The following ANKHD1 variants were observed in gnomAD, a reference collection of about 807,000 sequenced individuals.
ANKHD1 encodes ankyrin repeat and KH domain-containing protein 1.
A neutral mutation model predicts 230.5 loss-of-function variants in ANKHD1; 31 were observed. The ratio of observed to expected loss-of-function variants is 0.13; its 90% confidence interval spans 0.10 to 0.18. The LOEUF (loss-of-function observed/expected upper bound fraction) is 0.18. Among genes scored for constraint, ANKHD1 ranks in the 10% least tolerant of loss-of-function variants. The pLI, the probability that ANKHD1 is intolerant of heterozygous loss-of-function variation, is 1.00. For synonymous variants in ANKHD1, 1,074 were observed against 1,117.6 expected, an observed-to-expected ratio of 0.96 and a Z score of 0.78; for missense variants, 2,256 against 3,071.3, an observed-to-expected ratio of 0.73 and a Z score of 6.27.
chr5:140,468,379 G>A (rs1198533233), intron 10 of ANKHD1, among the ~76,000 whole-genome samples: 1 of 152,014 alleles, frequency 6.6e-6, no homozygotes, highest in African/African-American at 2.4e-5. Context: ...GTATTCTGCT[G>A]ACTGAGTGAA....
At chr5:140,450,497 A>G (rs1290192355) in intron 7 of ANKHD1, among the ~76,000 whole-genome samples, 1 of 151,430 alleles carries the variant, frequency 6.6e-6, no homozygotes, top group East Asian at 1.9e-4. Context: ...ATATCATATG[A>G]TTCTATGGGT....
chr5:140,499,509 T>G (rs1752182509), intron 15 of ANKHD1, among the ~76,000 whole-genome samples: 1 of 152,166 alleles, frequency 6.6e-6, no homozygotes, highest in African/African-American at 2.4e-5. Flanking sequence ...AACAGTACAT[T>G]TTACTTTTTA....
At chr5:140,479,594 A>C (rs1751154949) in intron 10 of ANKHD1, among the ~76,000 whole-genome samples, 1 of 151,654 alleles carries the variant, frequency 6.6e-6, no homozygotes, top group Non-Finnish European at 1.5e-5. Context: ...CATTATACAT[A>C]TATATTCCCA....
Position 140,485,488 on chromosome 5 carries a change from ATCTT to A in ANKHD1, c.1999-100_1999-97del. 1 of 1,482,142 alleles carries A rather than the reference ATCTT, an allele frequency of 6.7e-7. No homozygotes were observed. The highest frequency in any genetic ancestry group is 9.0e-7 in the Non-Finnish European group (1 of 1,107,340). The allele number at this position is 1,482,142 out of a possible 1,614,324, so 91.8% of individuals were successfully genotyped here. ...ATAGTTATAAAAATATGTTTGATCT[ATCTT>A]AGTGCTTAGTATTTAATACTGTTTA... On this transcript the variant is annotated intron_variant, in intron 12 of 33. Transcript: ENST00000360839. This position sits in a 1 kb window ranked among gnomAD's most constrained non-coding sequence, Gnocchi z 4.8.
intron 2 of ANKHD1, among the ~76,000 whole-genome samples, chr5:140,437,003 CA>C (rs1773498407): frequency 6.6e-6 from 1 of 152,090 alleles, no homozygotes; most frequent in Non-Finnish European, 1.5e-5. Flanking sequence ...AAGTAGATAA[CA>C]AAACCTTCCC....
At position 140,529,772 on chromosome 5, in the gene ANKHD1, C is replaced by G; in HGVS notation, c.6826C>G (p.Gln2276Glu). Residue 2276 changes from glutamine (Q) to glutamate (E), a missense_variant, in exon 29 of 34, where the codon CAG becomes GAG. By Grantham distance (29) the Gln-to-Glu change is conservative. This residue lies in a region of ANKHD1 where 778 missense variants were observed against 966.5 expected (regional missense o/e 0.80). Coordinates refer to ENST00000360839, the MANE Select transcript of ANKHD1 (RefSeq NM_017747.3). ...SKAPGFRPPSQRVSTSPVGLP... is the reference protein window; with the variant it reads ...SKAPGFRPPSERVSTSPVGLP... ...GGCACCTGGCTTCAGACCACCTTCC[C>G]AGCGAGTTTCTACTAGTCCAGTTGG... 6.2e-7 allele frequency: 1 copy of G among 1,614,062 alleles called. No homozygotes were observed. The highest frequency in any genetic ancestry group is 8.5e-7 in the Non-Finnish European group (1 of 1,180,026).
At chr5:140,457,489 T>C (rs978496718) in intron 7 of ANKHD1, among the ~76,000 whole-genome samples, 11 of 151,984 alleles carry the variant, frequency 7.2e-5, no homozygotes, top group African/African-American at 2.2e-4. Flanking sequence ...ATTAAGAAAA[T>C]GTGGCACATA....
At chr5:140,464,823 C>A in intron 10 of ANKHD1, 47 bp downstream of exon 10, 1 of 1,509,898 alleles carries the variant, frequency 6.6e-7, no homozygotes, top group South Asian at 1.2e-5. Flanking sequence ...TGTTAATATC[C>A]ATTTATACTT....
chr5:140,419,794 CTTTCTT>C (rs1561690828), intron 1 of ANKHD1, among the ~76,000 whole-genome samples: 3,426 of 137,002 alleles, frequency 0.025, 71 homozygotes, highest in South Asian at 0.043. Flanking sequence ...TTCTTTCTTT[CTTTCTT>C]TCTTTCTTTC....
intron 1 of ANKHD1, among the ~76,000 whole-genome samples, chr5:140,429,198 A>G (rs1772820154): frequency 6.6e-6 from 1 of 150,950 alleles, no homozygotes; most frequent in African/African-American, 2.4e-5. Context: ...GGTTCAAGCA[A>G]TTCTCCTGCC....
Position 140,491,092 on chromosome 5 carries a change from G to GTA in ANKHD1, c.2245+4047_2245+4048dup, listed in dbSNP as rs377535904. Among the ~76,000 whole-genome samples, 177 of 102,400 alleles carry GTA rather than the reference G, an allele frequency of 1.7e-3. 1 individual carries two copies. The highest frequency in any genetic ancestry group is 2.9e-3 in the African/African-American group (71 of 24,812). The allele number at this position is 102,400 out of a possible 152,430, so 67.2% of individuals were successfully genotyped here. Reference sequence around the variant, plus strand: ...TATGTATGTATATATGTGTGTGTGTGTATATATATATATATACACACACAC... The same window carrying GTA: ...TATGTATGTATATATGTGTGTGTGTGTATATATATATATATATACACACACAC... On this transcript the variant is annotated intron_variant, in intron 14 of 33. Coordinates refer to ENST00000360839, the MANE Select transcript of ANKHD1 (RefSeq NM_017747.3).
At chr5:140,408,285 C>T (rs1177130871) in intron 1 of ANKHD1, among the ~76,000 whole-genome samples, 2 of 152,176 alleles carry the variant, frequency 1.3e-5, no homozygotes, top group Admixed American at 6.5e-5. Flanking sequence ...TTCCCACCCC[C>T]ATTAATTCTT....
In ANKHD1 at chr5:140,506,991, A is replaced by C. The variant is rs1188081010; in HGVS notation, c.3551+14A>C. 2 of 1,611,242 alleles carry C rather than the reference A, an allele frequency of 1.2e-6. No individual in the cohort carries two copies. The highest frequency in any genetic ancestry group is 1.7e-6 in the Non-Finnish European group (2 of 1,179,114). The stretch of plus-strand genomic sequence containing the variant: ...AATTAATTCAAGGTATTGCCTGTTC[A>C]TTTTATTGTTCATGTTTAGTAAGTT... On this transcript the variant is annotated intron_variant, in intron 19 of 33. Coordinates refer to ENST00000360839, the MANE Select transcript of ANKHD1 (RefSeq NM_017747.3). The surrounding 1 kb of genome is among the most constrained non-coding windows in gnomAD (Gnocchi z 4.7).
In ANKHD1 at chr5:140,528,982, G is replaced by C. The variant is rs757701078; in HGVS notation, c.6036G>C (p.Gln2012His). ...TACCTGCAAGTACTTCTCAAGCACA[G>C]CTTTCTTCACAAAAGATGGAGTCTT... ...TFLPASTSQA[Q>H]LSSQKMESFS... The change falls in exon 29 of 34, where the codon CAG (glutamine) becomes CAC (histidine). Residue 2012 changes from glutamine to histidine, a missense_variant. Physicochemically the swap from Gln to His is conservative, Grantham distance 24 (BLOSUM62 0). Around this residue, in one of 13 missense-constraint regions of ANKHD1, gnomAD observed 778 missense variants for 966.5 expected, o/e 0.80. Transcript: ENST00000360839. The C allele has an allele frequency of 1.9e-6, 3 of 1,614,172 alleles. No individual in the cohort carries two copies. The highest frequency in any genetic ancestry group is 2.5e-6 in the Non-Finnish European group (3 of 1,180,042).
intron 7 of ANKHD1, among the ~76,000 whole-genome samples, chr5:140,456,214 TACAA>T (rs1432333102): frequency 6.6e-6 from 1 of 152,072 alleles, no homozygotes; most frequent in African/African-American, 2.4e-5. Flanking sequence ...TAAAAGAGGA[TACAA>T]ACAAATGGAA....
intron 26 of ANKHD1, 117 bp downstream of exon 26, chr5:140,526,560 A>G: frequency 7.7e-7 from 1 of 1,294,302 alleles, no homozygotes; most frequent in Non-Finnish European, 1.0e-6. Flanking sequence ...AGTCTACCAC[A>G]TTATCTATCT....
At chr5:140,447,425 C>G (rs1774376200) in intron 6 of ANKHD1, among the ~76,000 whole-genome samples, 1 of 151,958 alleles carries the variant, frequency 6.6e-6, no homozygotes, top group Non-Finnish European at 1.5e-5. Flanking sequence ...CCAGGTGGCT[C>G]TCAACCTCCA....
chr5:140,402,013 C>T lies in ANKHD1; in HGVS notation c.46C>T (p.Leu16=). The change falls in exon 1 of 34, where the codon CTG becomes TTG. Residue 16 remains leucine, a synonymous_variant. Coordinates refer to ENST00000360839, the MANE Select transcript of ANKHD1 (RefSeq NM_017747.3). Reference sequence around the variant, plus strand: ...CGGCGGCACCTCCTTTGAGGAGGACCTGGACTCTGTGGCTCCGCGATCCGC... The same window carrying T: ...CGGCGGCACCTCCTTTGAGGAGGACTTGGACTCTGTGGCTCCGCGATCCGC... ...GGGGTSFEED[L]DSVAPRSAPA... The T allele has an allele frequency of 1.3e-6, 2 of 1,527,748 alleles. No individual in the cohort carries two copies. Among genetic ancestry groups the T allele is most frequent in the Non-Finnish European group, 1.7e-6 (2 of 1,144,480 alleles). The allele number at this position is 1,527,748 out of a possible 1,614,324, so 94.6% of individuals were successfully genotyped here.
In ANKHD1 at chr5:140,496,900, A is replaced by G. The variant is rs777218364; in HGVS notation, c.2626A>G (p.Arg876Gly). Residue 876 changes from arginine to glycine, a missense_variant, in exon 15 of 34, where the codon AGA (arginine) becomes GGA (glycine). Physicochemically the swap from Arg to Gly is moderately radical, Grantham distance 125 (BLOSUM62 -2). This residue lies in a region of ANKHD1 where 358 missense variants were observed against 397.7 expected (regional missense o/e 0.90). Coordinates refer to ENST00000360839, the MANE Select transcript of ANKHD1 (RefSeq NM_017747.3). ...GTCTCTACACCAACAGTGCTCTCAT[A>G]GAGGAGTCTTCCCAGAAGGGGAAGG... Reference protein sequence around the residue: ...TVSLHQQCSHRGVFPEGEGDG... With the variant: ...TVSLHQQCSHGGVFPEGEGDG... The G allele has an allele frequency of 7.4e-6, 12 of 1,614,072 alleles. No homozygotes were observed. Among genetic ancestry groups the G allele is most frequent in the Non-Finnish European group, 1.0e-5 (12 of 1,180,040 alleles).
Sources: gnomAD v4.1 joint callset for allele counts (sites outside exome capture counted in the v4.1 genomes callset) on GRCh38, gnomAD v4.1.1 for gene constraint, gnomAD v4.1.1 regional missense constraint, Gnocchi (gnomAD v3.1) non-coding constraint, MANE v1.5 for transcripts, NCBI Gene and HGNC (gene_info 2026-07-23, HGNC 2026-07-21) for gene names.